SYNDIG1L: variants seen among roughly 807,000 people sequenced by gnomAD.
SYNDIG1L encodes the protein synapse differentiation inducing 1 like.
A neutral mutation model predicts 20.1 loss-of-function variants in SYNDIG1L; 13 were observed. The observed-to-expected ratio is 0.65, with a 90% CI of 0.42 to 1.03. The LOEUF (loss-of-function observed/expected upper bound fraction) is 1.03, where lower values mean the gene tolerates loss of function less well. Ranked by LOEUF, SYNDIG1L falls within the 50% of genes least tolerant of loss-of-function variation. The probability of loss-of-function intolerance (pLI) is 0.00; values close to 1 mark genes in which losing one functional copy is unlikely to be tolerated. For synonymous variants in SYNDIG1L, 128 were observed against 129.3 expected (o/e 0.99, Z 0.07); for missense variants, 294 against 305.1 (o/e 0.96, Z 0.27).
the SYNDIG1L span, chr14:74,480,072 C>A: frequency 6.5e-7 from 1 of 1,534,740 alleles, no homozygotes; most frequent in Non-Finnish European, 8.7e-7. Context: ...AATGAAACCA[C>A]CTAAGACAGA....
chr14:74,435,875 G>A, the SYNDIG1L span, among the ~76,000 whole-genome samples: 1 of 152,206 alleles, frequency 6.6e-6, no homozygotes. Context: ...GTTCCTCCTT[G>A]CTGCAGCACA....
upstream of SYNDIG1L, among the ~76,000 whole-genome samples, chr14:74,426,627 G>A (rs1384002921): frequency 6.6e-6 from 1 of 152,148 alleles, no homozygotes; most frequent in African/African-American, 2.4e-5. Context: ...TACCAAGCCC[G>A]ATAATGTGTT....
At chr14:74,433,106 C>T in the SYNDIG1L span, among the ~76,000 whole-genome samples, 2 of 152,092 alleles carry the variant, frequency 1.3e-5, no homozygotes, top group South Asian at 2.1e-4. Flanking sequence ...ATTTCTTTGG[C>T]GCTAGGAGAA....
Position 74,408,801 on chromosome 14 carries a change from G to A in SYNDIG1L, c.417+527C>T, listed in dbSNP as rs188268684. Among the ~76,000 whole-genome samples, 19 of 152,138 alleles carry A rather than the reference G, an allele frequency of 1.2e-4. 1 individual carries two copies. The highest frequency in any genetic ancestry group is 1.2e-3 in the South Asian group (6 of 4,826). On this transcript the variant is annotated intron_variant, in intron 2 of 3. Coordinates refer to ENST00000331628, the MANE Select transcript of SYNDIG1L (RefSeq NM_001105579.2). ...GTGGGCTGGGGGAAAATGTGAATAAGAGACTTACACAATCATCCACCAAAA... is the reference window on the plus strand; with the variant it reads ...GTGGGCTGGGGGAAAATGTGAATAAAAGACTTACACAATCATCCACCAAAA...
At chr14:74,460,841 G>T in the SYNDIG1L span, among the ~76,000 whole-genome samples, 3 of 152,164 alleles carry the variant, frequency 2.0e-5, no homozygotes, top group Admixed American at 2.0e-4. Context: ...TAGAGACAGG[G>T]TTTCACCATG....
At chr14:74,480,053 G>A in the SYNDIG1L span, 1 of 1,511,254 alleles carries the variant, frequency 6.6e-7, no homozygotes, top group Admixed American at 2.1e-5. Flanking sequence ...CTAACCAAGT[G>A]CTGCATTTAA....
chr14:74,438,039 C>T, the SYNDIG1L span, among the ~76,000 whole-genome samples: 1 of 152,088 alleles, frequency 6.6e-6, no homozygotes, highest in African/African-American at 2.4e-5. Context: ...CTCTTGGCAC[C>T]AGATGTTTTC....
At chr14:74,415,686 T>A (rs1229186634) in intron 1 of SYNDIG1L, among the ~76,000 whole-genome samples, 1 of 152,036 alleles carries the variant, frequency 6.6e-6, no homozygotes, top group African/African-American at 2.4e-5. Context: ...ACTATAGGCA[T>A]GTACCACCAC....
chr14:74,460,996 T>G, the SYNDIG1L span, among the ~76,000 whole-genome samples: 49 of 151,912 alleles, frequency 3.2e-4, no homozygotes, highest in African/African-American at 1.2e-3. Flanking sequence ...GTGGCCCCCT[T>G]GTCTTTTCAT....
the SYNDIG1L span, among the ~76,000 whole-genome samples, chr14:74,439,879 C>CA: frequency 0.18 from 18,780 of 101,734 alleles, 2,879 homozygotes; most frequent in African/African-American, 0.44. Context: ...AACTCCATCT[C>CA]AAAAAAAAAA....
the SYNDIG1L span, among the ~76,000 whole-genome samples, chr14:74,467,869 G>A: frequency 7.2e-5 from 11 of 152,068 alleles, no homozygotes; most frequent in Non-Finnish European, 4.4e-5. Flanking sequence ...AGAGGGAAGT[G>A]GAGTCGGATC....
the SYNDIG1L span, among the ~76,000 whole-genome samples, chr14:74,431,748 C>A: frequency 1.3e-5 from 2 of 152,114 alleles, no homozygotes; most frequent in African/African-American, 2.4e-5. Context: ...GAAATAACTT[C>A]AAAATGTACA....
chr14:74,422,122 A>G (rs981611389), intron 1 of SYNDIG1L, among the ~76,000 whole-genome samples: 1 of 152,206 alleles, frequency 6.6e-6, no homozygotes, highest in Non-Finnish European at 1.5e-5. Context: ...ATTCCCAACC[A>G]CTTAGAAGCA....
Position 74,407,553 on chromosome 14 carries a change from G to C in SYNDIG1L, c.699C>G (p.Ser233=). 1 of 1,613,924 alleles carries C rather than the reference G, an allele frequency of 6.2e-7. No individual in the cohort carries two copies. The highest frequency in any genetic ancestry group is 8.5e-7 in the Non-Finnish European group (1 of 1,179,934). The change falls in exon 4 of 4, where the codon TCC becomes TCG. Residue 233 remains serine (S), a synonymous_variant. Coordinates refer to ENST00000331628, the MANE Select transcript of SYNDIG1L (RefSeq NM_001105579.2). Reference sequence around the variant, plus strand: ...CTGGCTACTAGCCATGACCGTTCTGGGACATGTAAGCTGCCAGAGCCACCA... The same window carrying C: ...CTGGCTACTAGCCATGACCGTTCTGCGACATGTAAGCTGCCAGAGCCACCA... ...AVVVALAAYM[S]QNGHG
At chr14:74,473,803 C>T in the SYNDIG1L span, among the ~76,000 whole-genome samples, 1 of 152,218 alleles carries the variant, frequency 6.6e-6, no homozygotes, top group Non-Finnish European at 1.5e-5. Flanking sequence ...CACCAGACTT[C>T]ATGATGATCA....
At chr14:74,415,717 T>C (rs1315278479) in intron 1 of SYNDIG1L, among the ~76,000 whole-genome samples, 1 of 152,050 alleles carries the variant, frequency 6.6e-6, no homozygotes, top group African/African-American at 2.4e-5. Context: ...TTTTTTGTAT[T>C]TTTTGTAGAA....
chr14:74,458,491 AG>A, the SYNDIG1L span, among the ~76,000 whole-genome samples: 1 of 151,894 alleles, frequency 6.6e-6, no homozygotes, highest in South Asian at 2.1e-4. Flanking sequence ...GCGTGGTGGC[AG>A]GTGCCTGTAA....
the SYNDIG1L span, among the ~76,000 whole-genome samples, chr14:74,464,774 G>T: frequency 6.6e-6 from 1 of 152,242 alleles, no homozygotes; most frequent in South Asian, 2.1e-4. Context: ...GATTCACAGG[G>T]TTGTCTTGAA....
the SYNDIG1L span, among the ~76,000 whole-genome samples, chr14:74,454,819 C>T: frequency 1.3e-5 from 2 of 152,182 alleles, no homozygotes; most frequent in Non-Finnish European, 2.9e-5. Context: ...CCATTCTGAT[C>T]GATCCCCCAC....
Sources: gnomAD v4.1 joint callset for allele counts (sites outside exome capture counted in the v4.1 genomes callset) on GRCh38, gnomAD v4.1.1 for gene constraint, MANE v1.5 for transcripts, NCBI Gene and HGNC (gene_info 2026-07-23, HGNC 2026-07-21) for gene names.